Variants in ROBO1 observed in about 807,000 individuals in gnomAD.
ROBO1 encodes roundabout guidance receptor 1.
A neutral mutation model predicts 195.9 loss-of-function variants in ROBO1; 149 were observed. The ratio of observed to expected loss-of-function variants is 0.76; its 90% CI spans 0.67 to 0.87. ROBO1 has a LOEUF of 0.87. Ranked by LOEUF, ROBO1 falls within the 40% of genes least tolerant of loss-of-function variation. The probability of loss-of-function intolerance (pLI) is 0.00; values close to 1 mark genes in which losing one functional copy is unlikely to be tolerated. For missense variants in ROBO1, 1,933 were observed against 2,068.3 expected, an observed-to-expected ratio of 0.93 and a Z score of 1.27; for synonymous variants, 816 against 733.2, an observed-to-expected ratio of 1.11 and a Z score of -1.82.
intron 3 of ROBO1, among the ~76,000 whole-genome samples, chr3:79,060,441 C>T (rs900415070): frequency 6.6e-6 from 1 of 151,944 alleles, no homozygotes; most frequent in African/African-American, 2.4e-5. Flanking sequence ...GCTCAGGGGG[C>T]ATCATGGAAC....
intron 1 of ROBO1, among the ~76,000 whole-genome samples, chr3:79,764,991 C>T (rs1159110656): frequency 6.6e-6 from 1 of 152,182 alleles, no homozygotes; most frequent in African/African-American, 2.4e-5. Context: ...AATCACTAAC[C>T]TTCATAGAGT....
chr3:79,624,245 G>A (rs1945097072), intron 1 of ROBO1, among the ~76,000 whole-genome samples: 1 of 151,844 alleles, frequency 6.6e-6, no homozygotes, highest in African/African-American at 2.4e-5. Flanking sequence ...TCAAAAAAAC[G>A]GCAAAATATA....
intron 2 of ROBO1, among the ~76,000 whole-genome samples, chr3:79,555,151 T>C (rs1193066800): frequency 1.3e-5 from 2 of 152,132 alleles, no homozygotes; most frequent in African/African-American, 4.8e-5. Context: ...ACTAATTATA[T>C]TTAATATATT....
At chr3:79,372,737 T>C (rs984888731) in intron 2 of ROBO1, among the ~76,000 whole-genome samples, 2 of 152,160 alleles carry the variant, frequency 1.3e-5, no homozygotes, top group African/African-American at 4.8e-5. Flanking sequence ...ACTCTCCAGT[T>C]TCCAGAACTG....
At chr3:79,106,165 C>T (rs1435582052) in intron 3 of ROBO1, among the ~76,000 whole-genome samples, 1 of 151,522 alleles carries the variant, frequency 6.6e-6, no homozygotes, top group African/African-American at 2.4e-5. Flanking sequence ...AAATTGTCTG[C>T]TTTAAAAATA....
At chr3:79,731,854 G>A (rs940645907) in intron 1 of ROBO1, among the ~76,000 whole-genome samples, 2 of 152,146 alleles carry the variant, frequency 1.3e-5, no homozygotes, top group Non-Finnish European at 2.9e-5. Flanking sequence ...AAGTAAGTTT[G>A]TAGGTGAAAT....
intron 2 of ROBO1, among the ~76,000 whole-genome samples, chr3:79,573,421 G>A (rs1943346966): frequency 6.6e-6 from 1 of 152,012 alleles, no homozygotes; most frequent in African/African-American, 2.4e-5. Context: ...GATAGTAAAT[G>A]TATTATTTGT....
At chr3:78,870,607 G>A (rs923531344) in intron 4 of ROBO1, among the ~76,000 whole-genome samples, 13 of 152,174 alleles carry the variant, frequency 8.5e-5, no homozygotes. Flanking sequence ...TTACCAAAAG[G>A]AAATGTTTCC....
At chr3:78,673,068 TAATTTAAATTCA>T (rs1197993356) in intron 10 of ROBO1, among the ~76,000 whole-genome samples, 2 of 152,174 alleles carry the variant, frequency 1.3e-5, no homozygotes, top group Admixed American at 1.3e-4. Context: ...TAATTTTAAG[TAATTTAAATTCA>T]AATTTAAATA....
intron 2 of ROBO1, among the ~76,000 whole-genome samples, chr3:79,281,411 A>T (rs913054773): frequency 1.3e-5 from 2 of 152,144 alleles, no homozygotes; most frequent in African/African-American, 4.8e-5. Flanking sequence ...CACATATTCT[A>T]TATCAGGTGA....
intron 3 of ROBO1, among the ~76,000 whole-genome samples, chr3:79,044,708 A>T (rs554959283): frequency 2.3e-4 from 35 of 152,048 alleles, no homozygotes; most frequent in Admixed American, 4.6e-4. Context: ...AGCTTTTTTT[A>T]AAAAAAAGTT....
intron 2 of ROBO1, among the ~76,000 whole-genome samples, chr3:79,133,907 G>A (rs866425509): frequency 1.3e-5 from 2 of 151,820 alleles, no homozygotes; most frequent in South Asian, 4.2e-4. Context: ...CTAACAGACA[G>A]GACCCTCAGC....
intron 3 of ROBO1, among the ~76,000 whole-genome samples, chr3:78,998,311 G>C (rs1349023): frequency 0.99 from 150,108 of 152,196 alleles, 74,043 homozygotes; most frequent in East Asian, 1. Context: ...TAGTAATAAC[G>C]ACGGCAAAAG....
chr3:78,717,189 T>G, intron 7 of ROBO1, 86 bp downstream of exon 7: 1 of 1,402,998 alleles, frequency 7.1e-7, no homozygotes, highest in Non-Finnish European at 9.6e-7. Flanking sequence ...AATGGACTAT[T>G]CTAATGGCCC....
At chr3:79,144,610 G>A (rs2080605838) in intron 2 of ROBO1, among the ~76,000 whole-genome samples, 1 of 151,910 alleles carries the variant, frequency 6.6e-6, no homozygotes, top group Non-Finnish European at 1.5e-5. Flanking sequence ...AAGAATACTA[G>A]AGCTTTGTAG....
At chr3:79,305,671 G>T (rs2033186028) in intron 2 of ROBO1, among the ~76,000 whole-genome samples, 1 of 152,002 alleles carries the variant, frequency 6.6e-6, no homozygotes, top group Admixed American at 6.6e-5. Context: ...TTCATGAAAA[G>T]AGGGATATTA....
At chr3:79,154,760 A>T (rs2080830254) in intron 2 of ROBO1, among the ~76,000 whole-genome samples, 1 of 151,786 alleles carries the variant, frequency 6.6e-6, no homozygotes, top group Admixed American at 6.6e-5. Context: ...TCCTGTAAGG[A>T]GGCTGAATAA....
At chr3:78,847,596 C>T (rs2106821227) in intron 4 of ROBO1, among the ~76,000 whole-genome samples, 1 of 152,218 alleles carries the variant, frequency 6.6e-6, no homozygotes, top group East Asian at 1.9e-4. Context: ...AATAATAACA[C>T]CTTCCTTCGA....
intron 2 of ROBO1, among the ~76,000 whole-genome samples, chr3:79,246,569 C>T (rs1313242169): frequency 1.3e-5 from 2 of 152,062 alleles, no homozygotes; most frequent in African/African-American, 4.8e-5. Context: ...ATATCCAAGT[C>T]TTTTACTCAC....
Sources: gnomAD v4.1 joint callset for allele counts (sites outside exome capture counted in the v4.1 genomes callset) on GRCh38, gnomAD v4.1.1 for gene constraint, MANE v1.5 for transcripts, NCBI Gene and HGNC (gene_info 2026-07-23, HGNC 2026-07-21) for gene names.